The following GRM7 variants were observed in gnomAD, a reference collection of about 807,000 sequenced individuals.
GRM7 encodes glutamate metabotropic receptor 7, also known as metabotropic glutamate receptor 7.
GRM7 carries 35 observed loss-of-function variants against 84.5 expected under a neutral mutation model. The observed-to-expected ratio is 0.41, with a 90% CI of 0.32 to 0.55. GRM7 has a LOEUF of 0.55. GRM7 is among the 20% of genes least tolerant of loss of function. GRM7 has a pLI of 0.19. For missense variants in GRM7, 1,003 were observed against 1,194.6 expected, an observed-to-expected ratio of 0.84 and a Z score of 2.36; for synonymous variants, 487 against 455.1, an observed-to-expected ratio of 1.07 and a Z score of -0.89.
chr3:6,910,430 G>A (rs747855909), intron 1 of GRM7, among the ~76,000 whole-genome samples: 36 of 152,096 alleles, frequency 2.4e-4, no homozygotes, highest in Non-Finnish European at 4.6e-4. Flanking sequence ...GAATGTTGGT[G>A]TCTTAAATAC....
intron 8 of GRM7, among the ~76,000 whole-genome samples, chr3:7,619,693 C>G (rs1438236224): frequency 6.6e-6 from 1 of 151,996 alleles, no homozygotes; most frequent in Non-Finnish European, 1.5e-5. Flanking sequence ...CTACTTATGG[C>G]TAGATTCAGT....
intron 4 of GRM7, among the ~76,000 whole-genome samples, chr3:7,382,400 T>C (rs17047241): frequency 0.015 from 2,301 of 152,320 alleles, 61 homozygotes; most frequent in African/African-American, 0.053. Context: ...TTCATCATTG[T>C]GCAGAACAGG....
intron 1 of GRM7, among the ~76,000 whole-genome samples, chr3:6,975,825 T>C (rs756411261): frequency 4.6e-5 from 7 of 152,162 alleles, no homozygotes; most frequent in Non-Finnish European, 8.8e-5. Flanking sequence ...AAAAGTCACT[T>C]CCTTAAGTGC....
At chr3:7,442,691 G>C (rs936301179) in intron 5 of GRM7, among the ~76,000 whole-genome samples, 11 of 152,132 alleles carry the variant, frequency 7.2e-5, no homozygotes, top group Non-Finnish European at 1.5e-4. Flanking sequence ...TTGGGAGTTA[G>C]ATGAACCTTC....
At chr3:7,191,225 TC>T (rs1695701399) in intron 2 of GRM7, among the ~76,000 whole-genome samples, 2 of 152,090 alleles carry the variant, frequency 1.3e-5, no homozygotes, top group Non-Finnish European at 2.9e-5. Flanking sequence ...CATCCTTCAC[TC>T]CTTTGTAATA....
intron 4 of GRM7, among the ~76,000 whole-genome samples, chr3:7,391,575 G>C (rs1340639234): frequency 6.6e-6 from 1 of 152,040 alleles, no homozygotes; most frequent in Non-Finnish European, 1.5e-5. Context: ...GGGGGAAGTG[G>C]GGAGGGATAA....
chr3:7,301,119 C>G (rs905956612), intron 3 of GRM7, among the ~76,000 whole-genome samples: 1 of 152,016 alleles, frequency 6.6e-6, no homozygotes, highest in African/African-American at 2.4e-5. Context: ...TCTTATCCTC[C>G]GATTTGTTCT....
chr3:7,468,511 G>A (rs1311657089), intron 7 of GRM7, among the ~76,000 whole-genome samples: 1 of 152,152 alleles, frequency 6.6e-6, no homozygotes, highest in East Asian at 1.9e-4. Flanking sequence ...TAAAAACAGT[G>A]TCTGGCATGT....
At chr3:7,318,238 C>T (rs1201106954) in intron 4 of GRM7, among the ~76,000 whole-genome samples, 1 of 151,620 alleles carries the variant, frequency 6.6e-6, no homozygotes, top group Non-Finnish European at 1.5e-5. Context: ...CAGTTTTTAT[C>T]TGTTTTTACC....
At chr3:7,522,414 A>G (rs913934215) in intron 7 of GRM7, among the ~76,000 whole-genome samples, 1 of 152,024 alleles carries the variant, frequency 6.6e-6, no homozygotes, top group Non-Finnish European at 1.5e-5. Flanking sequence ...TTCCATATGT[A>G]CCATCTTATC....
At chr3:6,877,741 A>T (rs571219188) in intron 1 of GRM7, among the ~76,000 whole-genome samples, 3 of 152,020 alleles carry the variant, frequency 2.0e-5, no homozygotes, top group African/African-American at 7.2e-5. Flanking sequence ...CAATTAAAAA[A>T]TTTTCATATA....
intron 2 of GRM7, among the ~76,000 whole-genome samples, chr3:7,148,676 T>G (rs574166409): frequency 6.6e-6 from 1 of 152,324 alleles, no homozygotes; most frequent in East Asian, 1.9e-4. Context: ...TTTGCTATTA[T>G]ATATAATGAC....
At chr3:6,882,547 C>CA (rs917321968) in intron 1 of GRM7, among the ~76,000 whole-genome samples, 3,609 of 151,030 alleles carry the variant, frequency 0.024, 128 homozygotes, top group African/African-American at 0.08. Flanking sequence ...CCTTGTTTCC[C>CA]AAAAAAAAAA....
At chr3:7,303,596 G>A (rs1700084207) in intron 3 of GRM7, among the ~76,000 whole-genome samples, 1 of 151,996 alleles carries the variant, frequency 6.6e-6, no homozygotes, top group Non-Finnish European at 1.5e-5. Context: ...TTTTTCTATG[G>A]TAGTTATTTT....
chr3:7,118,075 G>A (rs1376840519), intron 1 of GRM7, among the ~76,000 whole-genome samples: 1 of 152,022 alleles, frequency 6.6e-6, no homozygotes, highest in Non-Finnish European at 1.5e-5. Flanking sequence ...GTTTTCCTAT[G>A]CATAATTATT....
chr3:7,371,490 A>T (rs142261250), intron 4 of GRM7, among the ~76,000 whole-genome samples: 1 of 152,206 alleles, frequency 6.6e-6, no homozygotes, highest in Non-Finnish European at 1.5e-5. Flanking sequence ...AAAAGGCAAC[A>T]AAATGGAGGT....
rs1693663751 is a variant in GRM7 at position 7,361,531 on chromosome 3, T to C, written c.1034-53492T>C. Among the ~76,000 whole-genome samples the C allele has an allele frequency of 2.6e-5, 4 of 152,228 alleles. No individual in the cohort carries two copies. The South Asian group carries it at 8.3e-4, about 32-fold the overall frequency. ...TAAACAGTTCTTGCTAAGACTCACA[T>C]TTCTGTTTTATTTGTTACTTGTGTT... On this transcript the variant is annotated intron_variant, in intron 4 of 9. Transcript: ENST00000357716.
chr3:7,498,850 G>A (rs1460476961), intron 7 of GRM7, among the ~76,000 whole-genome samples: 2 of 152,192 alleles, frequency 1.3e-5, no homozygotes, highest in Non-Finnish European at 2.9e-5. Flanking sequence ...TGAGGCCAGA[G>A]CCCTCCACTT....
chr3:7,532,704 TG>T (rs1477397029), intron 7 of GRM7, among the ~76,000 whole-genome samples: 1 of 151,114 alleles, frequency 6.6e-6, no homozygotes, highest in African/African-American at 2.4e-5. Context: ...TTCTTTTAAT[TG>T]TGATGTTAGG....
Sources: gnomAD v4.1 joint callset for allele counts (sites outside exome capture counted in the v4.1 genomes callset) on GRCh38, gnomAD v4.1.1 for gene constraint, MANE v1.5 for transcripts, NCBI Gene and HGNC (gene_info 2026-07-23, HGNC 2026-07-21) for gene names.